The following ASAP1 variants were observed in gnomAD, a reference collection of about 807,000 sequenced individuals.
ASAP1 encodes arf-GAP with SH3 domain, ANK repeat and PH domain-containing protein 1.
In ASAP1, 43 loss-of-function variants were observed where a neutral mutation model predicts 145.2. The ratio of observed to expected loss-of-function variants is 0.30; its 90% CI spans 0.23 to 0.38. ASAP1 has a LOEUF of 0.38. Among genes scored for constraint, ASAP1 ranks in the 10% least tolerant of loss-of-function variants. ASAP1 has a pLI of 1.00. For missense variants in ASAP1, 1,018 were observed against 1,355.3 expected (o/e 0.75, Z 3.91); for synonymous variants, 546 against 515.5 (o/e 1.06, Z -0.80).
At chr8:130,163,727 G>A (rs1379821649) in intron 11 of ASAP1, among the ~76,000 whole-genome samples, 1 of 152,148 alleles carries the variant, frequency 6.6e-6, no homozygotes, top group Admixed American at 6.5e-5. Context: ...CACACTGAAG[G>A]AATGAAATAG....
At chr8:130,248,176 A>T (rs1818967323) in intron 3 of ASAP1, among the ~76,000 whole-genome samples, 1 of 151,756 alleles carries the variant, frequency 6.6e-6, no homozygotes, top group South Asian at 2.1e-4. Flanking sequence ...GCCCATTGAG[A>T]GGTCACTCAA....
At position 130,112,450 on chromosome 8, in the gene ASAP1, C is replaced by T. The variant is rs1592828987; in HGVS notation, c.2173-128G>A. ...GGCTCTCTGAGCTTTATGAGGTCAG[C>T]CACAATGAGCCTCATGATGCTGACA... On this transcript the variant is annotated intron_variant, in intron 23 of 29. Coordinates refer to ENST00000518721, the MANE Select transcript of ASAP1 (RefSeq NM_018482.4). 5 of 667,510 alleles carry T rather than the reference C, an allele frequency of 7.5e-6. No homozygotes were observed. In the East Asian group the frequency reaches 1.4e-4, roughly 18 times the overall value. The allele number at this position is 667,510 out of a possible 1,614,324, so 41.3% of individuals were successfully genotyped here. A position where few individuals can be genotyped will look rare whatever the true frequency, so the allele number is the denominator to read the frequency against.
intron 8 of ASAP1, 29 bp from the exon 9 acceptor site, chr8:130,179,378 G>C: frequency 7.0e-7 from 1 of 1,434,850 alleles, no homozygotes; most frequent in South Asian, 1.2e-5. Flanking sequence ...GTTTTGCGTT[G>C]ATTAATTCCA....
intron 3 of ASAP1, among the ~76,000 whole-genome samples, chr8:130,310,522 A>T (rs996196415): frequency 6.6e-6 from 1 of 152,182 alleles, no homozygotes; most frequent in African/African-American, 2.4e-5. Context: ...AAGTCATAAA[A>T]GCAACAGCAG....
At chr8:130,233,561 T>C (rs989322900) in intron 4 of ASAP1, among the ~76,000 whole-genome samples, 1 of 152,184 alleles carries the variant, frequency 6.6e-6, no homozygotes, top group Admixed American at 6.5e-5. Context: ...TAGTACAGTA[T>C]AAATACAAAA....
rs1230151527 is a variant in ASAP1, at chr8:130,071,011, G to GGAGAGAGAGAGAGA, written c.2701+5323_2701+5336dup. On this transcript the variant is annotated intron_variant, in intron 27 of 29. Transcript: ENST00000518721. ...AGAGAGAGAGAGAGAGGGGAGGGGG[G>GGAGAGAGAGAGAGA]GAGAGAGAGAGAGAGAGAGAGAGAG... Among the ~76,000 whole-genome samples, 100 of 11,432 alleles carry GGAGAGAGAGAGAGA rather than the reference G, an allele frequency of 8.7e-3. 16 individuals are homozygous for GGAGAGAGAGAGAGA. Among genetic ancestry groups the GGAGAGAGAGAGAGA allele is most frequent in the Non-Finnish European group, 0.01 (73 of 7,106 alleles). The allele number at this position is 11,432 out of a possible 152,430, so 7.5% of individuals were successfully genotyped here. A position where few individuals can be genotyped will look rare whatever the true frequency, so the allele number is the denominator to read the frequency against.
chr8:130,159,483 G>A (rs553497634), intron 12 of ASAP1, among the ~76,000 whole-genome samples: 6 of 151,208 alleles, frequency 4.0e-5, no homozygotes, highest in African/African-American at 1.2e-4. Context: ...TTAGCCAGGC[G>A]TGGTGGCAGG....
chr8:130,201,843 T>C (rs1325125202), intron 5 of ASAP1, among the ~76,000 whole-genome samples: 4 of 152,232 alleles, frequency 2.6e-5, no homozygotes, highest in African/African-American at 9.6e-5. Context: ...CACTGTAACA[T>C]CGGATCACAT....
intron 27 of ASAP1, among the ~76,000 whole-genome samples, chr8:130,070,075 C>T (rs977015668): frequency 6.6e-6 from 1 of 152,036 alleles, no homozygotes; most frequent in Non-Finnish European, 1.5e-5. Context: ...CTCACTCTGT[C>T]GCCCAGGCTG....
intron 7 of ASAP1, among the ~76,000 whole-genome samples, chr8:130,185,913 TATAA>T (rs1304812237): frequency 2.0e-5 from 3 of 152,124 alleles, no homozygotes; most frequent in Admixed American, 6.6e-5. Context: ...ATTTAAAAAA[TATAA>T]ATAAAGTTGT....
At chr8:130,238,287 G>A (rs969692440) in intron 3 of ASAP1, among the ~76,000 whole-genome samples, 2 of 152,094 alleles carry the variant, frequency 1.3e-5, no homozygotes, top group African/African-American at 4.8e-5. Context: ...ATCAGCTTAA[G>A]ACTGCCAGTG....
chr8:130,101,567 C>T (rs867781371), intron 24 of ASAP1, among the ~76,000 whole-genome samples: 1 of 151,286 alleles, frequency 6.6e-6, no homozygotes, highest in Non-Finnish European at 1.5e-5. Flanking sequence ...GGATTGCTTT[C>T]TCAATTTTTC....
intron 4 of ASAP1, among the ~76,000 whole-genome samples, chr8:130,230,911 A>C (rs1259065009): frequency 6.6e-6 from 1 of 152,216 alleles, no homozygotes; most frequent in African/African-American, 2.4e-5. Context: ...TAAAATAAGC[A>C]TTACATGACA....
chr8:130,307,766 A>G (rs1238603599), intron 3 of ASAP1, among the ~76,000 whole-genome samples: 1 of 152,242 alleles, frequency 6.6e-6, no homozygotes, highest in Non-Finnish European at 1.5e-5. Context: ...AAGCCTGCGG[A>G]AAGTCAAAAC....
intron 27 of ASAP1, among the ~76,000 whole-genome samples, chr8:130,068,821 G>A (rs1296318757): frequency 6.6e-6 from 1 of 152,152 alleles, no homozygotes; most frequent in African/African-American, 2.4e-5. Context: ...TGATGACAGG[G>A]CTATTCACAC....
intron 8 of ASAP1, among the ~76,000 whole-genome samples, chr8:130,180,046 A>AAGGG (rs1297566670): frequency 5.1e-5 from 7 of 138,546 alleles, no homozygotes; most frequent in African/African-American, 1.8e-4. Context: ...GGAAGGAAGG[A>AAGGG]AGGGAGGGAG....
chr8:130,086,388 G>A (rs2135381262), intron 25 of ASAP1, among the ~76,000 whole-genome samples: 1 of 152,372 alleles, frequency 6.6e-6, no homozygotes, highest in East Asian at 1.9e-4. Context: ...ACAATGCCCA[G>A]CACTCTGTGA....
At chr8:130,256,740 TATATATATATATATATATATATATA>T (rs1212426480) in intron 3 of ASAP1, among the ~76,000 whole-genome samples, 1 of 11,502 alleles carries the variant, frequency 8.7e-5, no homozygotes, top group South Asian at 3.8e-3. Flanking sequence ...TACACATTCT[TATATATATATATATATATATATATA>T]TATATATATA....
At position 130,054,050 on chromosome 8, in the gene ASAP1, G is replaced by T. The variant is rs1283315993; in HGVS notation, c.*681C>A. The T allele has an allele frequency of 1.3e-5, 2 of 152,624 alleles. No individual in the cohort carries two copies. The highest frequency in any genetic ancestry group is 1.9e-4 in the East Asian group (1 of 5,200). 9.5% of individuals were successfully genotyped at this position (152,624 alleles called of 1,614,324 possible). The stretch of plus-strand genomic sequence containing the variant: ...GAAAGATATGTTATTTTTGCATAAT[G>T]AGGTAATATATCAGGGGCGGGCACT... On this transcript the variant is annotated 3_prime_UTR_variant, in exon 30 of 30. Coordinates refer to ENST00000518721, the MANE Select transcript of ASAP1 (RefSeq NM_018482.4).
Sources: gnomAD v4.1 joint callset for allele counts (sites outside exome capture counted in the v4.1 genomes callset) on GRCh38, gnomAD v4.1.1 for gene constraint, MANE v1.5 for transcripts, NCBI Gene and HGNC (gene_info 2026-07-23, HGNC 2026-07-21) for gene names.